NYAP2: variants seen among roughly 807,000 people sequenced by gnomAD.
NYAP2 encodes neuronal tyrosine-phosphorylated phosphoinositide-3-kinase adapter 2.
NYAP2 carries 23 observed loss-of-function variants against 50.4 expected under a neutral mutation model. That is an observed-to-expected ratio of 0.46 (90% CI 0.33 to 0.65). The LOEUF (loss-of-function observed/expected upper bound fraction) is 0.65, where lower values mean the gene tolerates loss of function less well. Among genes scored for constraint, NYAP2 ranks in the 30% least tolerant of loss-of-function variants. The pLI, the probability that NYAP2 is intolerant of heterozygous loss-of-function variation, is 0.02. For synonymous variants in NYAP2, 394 were observed against 365.2 expected (o/e 1.08, Z -0.90); for missense variants, 885 against 861.0 (o/e 1.03, Z -0.35).
chr2:225,580,342 A>T (rs944029116), intron 4 of NYAP2, among the ~76,000 whole-genome samples: 1 of 152,238 alleles, frequency 6.6e-6, no homozygotes, highest in African/African-American at 2.4e-5. Context: ...GTTAGGTGGT[A>T]CAATTATTGG....
the NYAP2 span, among the ~76,000 whole-genome samples, chr2:225,694,667 T>C: frequency 0.011 from 1,625 of 151,922 alleles, 23 homozygotes; most frequent in African/African-American, 0.037. Context: ...TTAACAGAAA[T>C]ATTTTGGGGG....
At chr2:225,572,635 A>G (rs553524477) in intron 4 of NYAP2, among the ~76,000 whole-genome samples, 2 of 152,340 alleles carry the variant, frequency 1.3e-5, no homozygotes, top group South Asian at 4.1e-4. Context: ...TTGTGTGGGG[A>G]CACAGTCAAA....
At chr2:225,408,829 C>G (rs1694981932) in intron 2 of NYAP2, 35 bp from the exon 3 acceptor site, 1 of 1,265,212 alleles carries the variant, frequency 7.9e-7, no homozygotes, top group Non-Finnish European at 1.1e-6. Flanking sequence ...TTTTCCCCAC[C>G]CTGGATAAAA....
chr2:225,542,138 T>C (rs1004690015), intron 4 of NYAP2, among the ~76,000 whole-genome samples: 1 of 152,202 alleles, frequency 6.6e-6, no homozygotes, highest in Non-Finnish European at 1.5e-5. Flanking sequence ...CCTGCAACTT[T>C]ACTGAATTTA....
the NYAP2 span, among the ~76,000 whole-genome samples, chr2:225,686,901 T>C: frequency 1.3e-5 from 2 of 152,296 alleles, no homozygotes; most frequent in South Asian, 4.1e-4. Flanking sequence ...CATCAAAGTT[T>C]TGATTAACAG....
At chr2:225,628,328 T>G (rs897999557) in intron 6 of NYAP2, among the ~76,000 whole-genome samples, 2 of 147,464 alleles carry the variant, frequency 1.4e-5, no homozygotes, top group Non-Finnish European at 1.5e-5. Context: ...TTTTTTTTTT[T>G]TTTTTTTTTT....
chr2:225,521,597 A>T (rs1187055032), intron 4 of NYAP2, among the ~76,000 whole-genome samples: 2 of 151,924 alleles, frequency 1.3e-5, no homozygotes, highest in Non-Finnish European at 2.9e-5. Context: ...CGTATATTGA[A>T]CCAGCCTTGC....
chr2:225,594,332 TG>T (rs1360699815), intron 5 of NYAP2, among the ~76,000 whole-genome samples: 4 of 152,088 alleles, frequency 2.6e-5, no homozygotes, highest in Non-Finnish European at 5.9e-5. Context: ...GAGACCAGCC[TG>T]GCCAACGTGG....
chr2:225,498,070 T>G (rs1359859453), intron 3 of NYAP2, among the ~76,000 whole-genome samples: 1 of 152,186 alleles, frequency 6.6e-6, no homozygotes, highest in African/African-American at 2.4e-5. Context: ...TATAATTAAC[T>G]ATGTATTCCT....
chr2:225,441,095 G>C (rs1389218717), intron 3 of NYAP2, among the ~76,000 whole-genome samples: 9 of 152,066 alleles, frequency 5.9e-5, no homozygotes, highest in Admixed American at 3.9e-4. Context: ...GGCATCCTTT[G>C]GGCCCTCAAG....
chr2:225,464,831 G>A (rs1689891225), intron 3 of NYAP2, among the ~76,000 whole-genome samples: 1 of 152,228 alleles, frequency 6.6e-6, no homozygotes, highest in Non-Finnish European at 1.5e-5. Context: ...ATCATTGACT[G>A]AGCAGGTACC....
chr2:225,463,978 T>C (rs1474644783), intron 3 of NYAP2, among the ~76,000 whole-genome samples: 1 of 152,202 alleles, frequency 6.6e-6, no homozygotes, highest in East Asian at 1.9e-4. Context: ...AGAACAGCCC[T>C]GTCAGTGACT....
At chr2:225,635,317 T>C (rs1693393497) in intron 6 of NYAP2, among the ~76,000 whole-genome samples, 1 of 152,192 alleles carries the variant, frequency 6.6e-6, no homozygotes, top group Admixed American at 6.5e-5. Flanking sequence ...AATAAATTAA[T>C]ATTTTGGTGT....
chr2:225,570,642 C>T (rs1692051639), intron 4 of NYAP2, among the ~76,000 whole-genome samples: 1 of 152,166 alleles, frequency 6.6e-6, no homozygotes, highest in Admixed American at 6.5e-5. Flanking sequence ...TATTCAATTA[C>T]TTCTCACTGG....
At chr2:225,690,814 A>T in the NYAP2 span, among the ~76,000 whole-genome samples, 22 of 152,226 alleles carry the variant, frequency 1.4e-4, 1 homozygote, top group African/African-American at 5.1e-4. Context: ...AAATATTGTA[A>T]GCCCGTGTGA....
chr2:225,446,423 A>G (rs1689566821), intron 3 of NYAP2, among the ~76,000 whole-genome samples: 1 of 151,870 alleles, frequency 6.6e-6, no homozygotes, highest in South Asian at 2.1e-4. Context: ...GGGTAGGAAA[A>G]AGATGCAAAA....
chr2:225,550,520 G>A (rs924689263), intron 4 of NYAP2, among the ~76,000 whole-genome samples: 1 of 152,178 alleles, frequency 6.6e-6, no homozygotes, highest in Non-Finnish European at 1.5e-5. Context: ...AAAGTGAACT[G>A]TGCGGAATTA....
chr2:225,610,689 C>G (rs918675348), intron 5 of NYAP2, among the ~76,000 whole-genome samples: 3 of 152,114 alleles, frequency 2.0e-5, no homozygotes, highest in Non-Finnish European at 2.9e-5. Flanking sequence ...AACAGGCTAT[C>G]AGTAGGCCAT....
chr2:225,456,583 G>A (rs1215473221), intron 3 of NYAP2, among the ~76,000 whole-genome samples: 4 of 152,104 alleles, frequency 2.6e-5, no homozygotes, highest in African/African-American at 7.2e-5. Context: ...AAGGGTTCAG[G>A]GGCTGGTGAG....
Sources: gnomAD v4.1 joint callset for allele counts (sites outside exome capture counted in the v4.1 genomes callset) on GRCh38, gnomAD v4.1.1 for gene constraint, MANE v1.5 for transcripts, NCBI Gene and HGNC (gene_info 2026-07-23, HGNC 2026-07-21) for gene names.